Variants in GPR107 observed in about 807,000 individuals in gnomAD.
The protein encoded by GPR107 is G protein-coupled receptor 107, also known as protein GPR107.
GPR107 carries 31 observed loss-of-function variants against 75.5 expected under a neutral mutation model. The ratio of observed to expected loss-of-function variants is 0.41; its 90% CI spans 0.31 to 0.55. The LOEUF (loss-of-function observed/expected upper bound fraction) is 0.55. GPR107 is among the 20% of genes least tolerant of loss of function. The pLI is 0.26. For missense variants in GPR107, 572 were observed against 665.7 expected, an observed-to-expected ratio of 0.86 and a Z score of 1.55; for synonymous variants, 267 against 251.3, an observed-to-expected ratio of 1.06 and a Z score of -0.59.
At position 130,103,609 on chromosome 9, in the gene GPR107, G is replaced by A. The variant is rs1337988716; in HGVS notation, c.1132-811G>A. On this transcript the variant is annotated intron_variant, in intron 12 of 17. Coordinates refer to ENST00000347136, the MANE Select transcript of GPR107 (RefSeq NM_020960.5). The surrounding 1 kb of genome is among the most constrained non-coding windows in gnomAD (Gnocchi z 4.3). The stretch of plus-strand genomic sequence containing the variant: ...ATATGAGGCTGTAGGGCTGGAATCA[G>A]CCATGCTCACCCTCTGGTCTCTGAA... Among the ~76,000 whole-genome samples, 1 of 152,228 alleles carries A rather than the reference G, an allele frequency of 6.6e-6. No homozygotes were observed. The highest frequency in any genetic ancestry group is 1.5e-5 in the Non-Finnish European group (1 of 68,044).
rs964874890 is a variant in GPR107, at chr9:130,127,827, T to A, written c.1440+261T>A. On this transcript the variant is annotated intron_variant, in intron 16 of 17. Transcript: ENST00000347136. ...AAGCGATTCTCCTGCCTCAGCCTCC[T>A]GAGTAGCTGGGATTATAGGGATGCA... Among the ~76,000 whole-genome samples, 7 of 152,126 alleles carry A rather than the reference T, an allele frequency of 4.6e-5. No individual in the cohort carries two copies. The East Asian group carries it at 1.3e-3, about 29-fold the overall frequency.
intron 13 of GPR107, 97 bp from the exon 14 acceptor site, chr9:130,107,399 G>A: frequency 1.3e-6 from 1 of 779,170 alleles, no homozygotes; most frequent in South Asian, 1.4e-5. Context: ...CTTTCAGCAT[G>A]TAATTGAGAA....
At chr9:130,132,232 C>G (rs1304674356) in intron 17 of GPR107, among the ~76,000 whole-genome samples, 1 of 152,152 alleles carries the variant, frequency 6.6e-6, no homozygotes, top group Non-Finnish European at 1.5e-5. Context: ...CTAGAATCAC[C>G]TGTAGAGTGT....
At chr9:130,095,134 T>C (rs908160625) in intron 9 of GPR107, among the ~76,000 whole-genome samples, 2 of 152,198 alleles carry the variant, frequency 1.3e-5, no homozygotes, top group Non-Finnish European at 2.9e-5. Flanking sequence ...TGTAAATCTC[T>C]TTTTTTCTTG....
At chr9:130,114,029 C>CTTTTGTTTTTTTTTTTTTTTTTT (rs1831363468) in intron 14 of GPR107, among the ~76,000 whole-genome samples, 1 of 90,660 alleles carries the variant, frequency 1.1e-5, no homozygotes, top group Non-Finnish European at 2.0e-5. Context: ...TCTTCTCATT[C>CTTTTGTTTTTTTTTTTTTTTTTT]TTTTTTTTTT....
intron 4 of GPR107, among the ~76,000 whole-genome samples, chr9:130,078,076 A>G (rs1830401011): frequency 6.6e-6 from 1 of 151,926 alleles, no homozygotes; most frequent in African/African-American, 2.4e-5. Flanking sequence ...GAGACAGGAG[A>G]ATGGTGTGAA....
At chr9:130,107,280 C>T (rs770508193) in intron 13 of GPR107, among the ~76,000 whole-genome samples, 2 of 152,060 alleles carry the variant, frequency 1.3e-5, no homozygotes, top group Non-Finnish European at 2.9e-5. Flanking sequence ...AGACTTATTG[C>T]CACAGATTTG....
intron 13 of GPR107, among the ~76,000 whole-genome samples, chr9:130,106,617 AAATAAT>A (rs138309360): frequency 2.1e-5 from 3 of 145,198 alleles, no homozygotes; most frequent in African/African-American, 5.1e-5. Context: ...ATAAATAAAT[AAATAAT>A]AATAATAATA....
chr9:130,066,752 G>A (rs563382219), intron 1 of GPR107, among the ~76,000 whole-genome samples: 3 of 152,216 alleles, frequency 2.0e-5, no homozygotes, highest in Admixed American at 6.5e-5. Flanking sequence ...TTGGGAGGCC[G>A]AGGCAGGCAG....
chr9:130,091,876 C>T (rs190643980), intron 8 of GPR107, among the ~76,000 whole-genome samples: 1,845 of 151,854 alleles, frequency 0.012, 27 homozygotes, highest in African/African-American at 0.042. Context: ...TTGTGTTTTT[C>T]GTAGAGACAG....
intron 14 of GPR107, chr9:130,114,609 C>T: frequency 1.8e-6 from 1 of 562,898 alleles, no homozygotes. Flanking sequence ...TGATCTTGAA[C>T]TCCTGGCCTC....
At chr9:130,128,578 ACTG>A in intron 16 of GPR107, 59 bp from the exon 17 acceptor site, 2 of 1,430,586 alleles carry the variant, frequency 1.4e-6, no homozygotes, top group Non-Finnish European at 2.0e-6. Context: ...GTTGAATTCC[ACTG>A]CTTTCTGAAG....
At chr9:130,057,995 AT>A (rs1391094962) in intron 1 of GPR107, among the ~76,000 whole-genome samples, 1 of 151,872 alleles carries the variant, frequency 6.6e-6, no homozygotes, top group Non-Finnish European at 1.5e-5. Flanking sequence ...CGCCTGGCTA[AT>A]TTTTGTATTT....
At chr9:130,119,267 G>T (rs1430855887) in intron 14 of GPR107, among the ~76,000 whole-genome samples, 1 of 152,184 alleles carries the variant, frequency 6.6e-6, no homozygotes, top group East Asian at 1.9e-4. Context: ...TTGCAGGAGA[G>T]CCCAGGCGCC....
chr9:130,077,336 C>T lies in GPR107; in HGVS notation c.344C>T (p.Ser115Phe). 1 of 1,575,740 alleles carries T rather than the reference C, an allele frequency of 6.3e-7. No homozygotes were observed. Among genetic ancestry groups the T allele is most frequent in the Non-Finnish European group, 8.7e-7 (1 of 1,144,918 alleles). The part of the protein sequence containing the change: ...DVNYCILKKQ[S>F]VSVTLLILDI... ...AATTACTGTATTTTAAAGAAACAGT[C>T]TGTCTCTGTCACCCTTTTAATCCTA... is the stretch of plus-strand genomic sequence containing the variant. Residue 115 changes from serine to phenylalanine, a missense_variant, in exon 4 of 18, where the codon TCT (serine) becomes TTT (phenylalanine). Transcript: ENST00000347136.
chr9:130,120,303 C>T (rs891754097), intron 14 of GPR107, among the ~76,000 whole-genome samples: 25 of 152,130 alleles, frequency 1.6e-4, no homozygotes, highest in African/African-American at 5.6e-4. Flanking sequence ...GGCTCATAGC[C>T]CACCTCCCTT....
chr9:130,101,200 T>C lies in GPR107; in HGVS notation c.1108T>C (p.Phe370Leu), dbSNP rs143908784. Residue 370 changes from phenylalanine (F) to leucine (L), a missense_variant, in exon 12 of 18, where the codon TTC (phenylalanine) becomes CTC (leucine). By Grantham distance (22) the Phe-to-Leu change is conservative. Coordinates refer to ENST00000347136, the MANE Select transcript of GPR107 (RefSeq NM_020960.5). The stretch of plus-strand genomic sequence containing the variant: ...CCTTTCTGATAAAGACAAAAAGATC[T>C]TCATGATTGTCATTCCACTCCAGGT... ...HILSDKDKKI[F>L]MIVIPLQVLA... 1.9e-6 allele frequency: 3 copies of C among 1,571,812 alleles called. No individual in the cohort carries two copies. Among genetic ancestry groups the C allele is most frequent in the Non-Finnish European group, 2.6e-6 (3 of 1,141,336 alleles).
At chr9:130,082,017 G>A (rs145946652) in intron 5 of GPR107, among the ~76,000 whole-genome samples, 7 of 152,326 alleles carry the variant, frequency 4.6e-5, no homozygotes, top group African/African-American at 1.7e-4. Context: ...AAGGCAAGAA[G>A]GAGCAGGCAG....
At chr9:130,111,850 G>A (rs534750966) in intron 14 of GPR107, among the ~76,000 whole-genome samples, 11 of 152,234 alleles carry the variant, frequency 7.2e-5, no homozygotes, top group Admixed American at 2.0e-4. Context: ...TCCTTTAGCC[G>A]CGTCTTTGTC....
Sources: allele counts gnomAD v4.1 joint callset (sites outside exome capture counted in the v4.1 genomes callset), GRCh38; gene constraint gnomAD v4.1.1; non-coding constraint Gnocchi (gnomAD v3.1); transcripts MANE v1.5; gene names NCBI Gene and HGNC (gene_info 2026-07-23, HGNC 2026-07-21).